PRDM5: variants seen among roughly 807,000 people sequenced by gnomAD.
PRDM5 encodes PR/SET domain 5, also known as PR domain zinc finger protein 5.
PRDM5 carries 56 observed loss-of-function variants against 81.2 expected under a neutral mutation model. That is an observed-to-expected ratio of 0.69 (90% confidence interval 0.56 to 0.86). PRDM5 has a LOEUF of 0.86. Among genes scored for constraint, PRDM5 ranks in the 40% least tolerant of loss-of-function variants. The pLI, the probability that PRDM5 is intolerant of heterozygous loss-of-function variation, is 0.00. For synonymous variants in PRDM5, 267 were observed against 256.4 expected (o/e 1.04, Z -0.39); for missense variants, 697 against 770.1 (o/e 0.91, Z 1.12).
chr4:120,762,332 T>G (rs1185389459), intron 13 of PRDM5: 1 of 152,206 alleles, frequency 6.6e-6, no homozygotes, highest in African/African-American at 2.4e-5. Context: ...TGGCAACACT[T>G]TCAAGTGAAA....
chr4:120,764,590 AAAAC>A (rs1037626129), intron 13 of PRDM5, among the ~76,000 whole-genome samples: 4 of 152,286 alleles, frequency 2.6e-5, no homozygotes, highest in African/African-American at 9.6e-5. Context: ...ATAGAAAAAA[AAAAC>A]AGTGGAAGAA....
chr4:120,720,395 G>A (rs960811489), intron 14 of PRDM5, among the ~76,000 whole-genome samples: 7 of 152,164 alleles, frequency 4.6e-5, no homozygotes, highest in Admixed American at 1.3e-4. Context: ...AGCATGATGG[G>A]CTTTGAGACC....
intron 3 of PRDM5, among the ~76,000 whole-genome samples, chr4:120,823,131 G>A (rs1334955327): frequency 6.6e-6 from 1 of 152,064 alleles, no homozygotes; most frequent in Non-Finnish European, 1.5e-5. Flanking sequence ...ATAAATATTA[G>A]TGTTTATCTG....
intron 14 of PRDM5, among the ~76,000 whole-genome samples, chr4:120,715,342 T>A (rs1737598395): frequency 6.6e-6 from 1 of 152,172 alleles, no homozygotes; most frequent in Admixed American, 6.5e-5. Context: ...GTATCTACCA[T>A]GTTGCCAGAA....
chr4:120,766,448 G>A (rs1210538120), intron 13 of PRDM5, among the ~76,000 whole-genome samples: 3 of 152,106 alleles, frequency 2.0e-5, no homozygotes, highest in Admixed American at 6.5e-5. Flanking sequence ...CTAATTTTAC[G>A]GTAGCAAAGT....
chr4:120,834,842 A>C (rs1308058406), intron 3 of PRDM5, among the ~76,000 whole-genome samples: 1 of 152,110 alleles, frequency 6.6e-6, no homozygotes, highest in Non-Finnish European at 1.5e-5. Context: ...ATGCCCTCAG[A>C]CTCAAATTCA....
chr4:120,740,568 C>A (rs184515295), intron 14 of PRDM5, among the ~76,000 whole-genome samples: 1 of 152,152 alleles, frequency 6.6e-6, no homozygotes, highest in African/African-American at 2.4e-5. Context: ...CTATTCTTCA[C>A]CACCTATACT....
intron 11 of PRDM5, among the ~76,000 whole-genome samples, chr4:120,782,615 T>C (rs1181864789): frequency 6.6e-6 from 1 of 152,138 alleles, no homozygotes; most frequent in Non-Finnish European, 1.5e-5. Context: ...ATGAACTATG[T>C]GGATTCTGAG....
intron 3 of PRDM5, among the ~76,000 whole-genome samples, chr4:120,840,027 C>T (rs891631751): frequency 6.6e-6 from 1 of 152,178 alleles, no homozygotes; most frequent in Admixed American, 6.5e-5. Context: ...AGCCAGGGAG[C>T]GGGAGCAGGC....
At chr4:120,702,698 A>C (rs1048242073) in intron 15 of PRDM5, among the ~76,000 whole-genome samples, 1 of 152,220 alleles carries the variant, frequency 6.6e-6, no homozygotes, top group African/African-American at 2.4e-5. Flanking sequence ...AATTGAAGAA[A>C]GTATCAATGG....
chr4:120,721,759 G>A (rs1738640735), intron 14 of PRDM5, among the ~76,000 whole-genome samples: 1 of 152,232 alleles, frequency 6.6e-6, no homozygotes, highest in African/African-American at 2.4e-5. Flanking sequence ...ATAGGTCGAG[G>A]TAAACATCCA....
rs957038333 is a variant in PRDM5 at position 120,799,839 on chromosome 4, A to C, written c.946-94T>G. 1.5e-5 allele frequency: 23 copies of C among 1,537,704 alleles called. No individual in the cohort carries two copies. In the African/African-American group the frequency reaches 3.2e-4, roughly 21 times the overall value. ...AAGTGTAAACATGTGAACAGCTGCC[A>C]CTGCAATACCCAAACTATATATTAC... On this transcript the variant is annotated intron_variant, in intron 8 of 15. Coordinates refer to ENST00000264808, the MANE Select transcript of PRDM5 (RefSeq NM_018699.4).
intron 2 of PRDM5, among the ~76,000 whole-genome samples, chr4:120,868,821 T>C (rs553226834): frequency 6.6e-6 from 1 of 152,234 alleles, no homozygotes; most frequent in East Asian, 1.9e-4. Context: ...TTCTACACTC[T>C]CTTTGACCTA....
At chr4:120,915,286 T>C (rs1481824331) in intron 1 of PRDM5, among the ~76,000 whole-genome samples, 1 of 152,148 alleles carries the variant, frequency 6.6e-6, no homozygotes, top group East Asian at 1.9e-4. Context: ...AGTGCCCTAC[T>C]CCATCCACCA....
chr4:120,702,452 C>G (rs1273845487), intron 15 of PRDM5, among the ~76,000 whole-genome samples: 1 of 152,212 alleles, frequency 6.6e-6, no homozygotes, highest in Non-Finnish European at 1.5e-5. Flanking sequence ...TAAATGCTCT[C>G]ATAGCGGCCT....
At chr4:120,750,939 A>C (rs1419509889) in intron 14 of PRDM5, among the ~76,000 whole-genome samples, 1 of 152,218 alleles carries the variant, frequency 6.6e-6, no homozygotes. Context: ...AAAAATGGGC[A>C]ATTTCAACAG....
intron 3 of PRDM5, among the ~76,000 whole-genome samples, chr4:120,834,589 C>T (rs1277964161): frequency 1.3e-5 from 2 of 152,108 alleles, no homozygotes; most frequent in African/African-American, 4.8e-5. Flanking sequence ...GACAATGTGT[C>T]AACTTGACTA....
chr4:120,893,919 A>G (rs1227062291), intron 2 of PRDM5, among the ~76,000 whole-genome samples: 1 of 152,086 alleles, frequency 6.6e-6, no homozygotes, highest in Non-Finnish European at 1.5e-5. Context: ...TGAGTCTTTA[A>G]GTTTTAAAAT....
chr4:120,847,843 G>C (rs1758833503), intron 3 of PRDM5, among the ~76,000 whole-genome samples: 1 of 152,106 alleles, frequency 6.6e-6, no homozygotes, highest in African/African-American at 2.4e-5. Context: ...TTACCGCTGG[G>C]TGAGACATGG....
Sources: gnomAD v4.1 joint callset for allele counts (sites outside exome capture counted in the v4.1 genomes callset) on GRCh38, gnomAD v4.1.1 for gene constraint, MANE v1.5 for transcripts, NCBI Gene and HGNC (gene_info 2026-07-23, HGNC 2026-07-21) for gene names.